Variants in BOP1 observed in about 807,000 individuals in gnomAD.
BOP1 encodes the protein ribosome biogenesis protein BOP1.
In BOP1, 54 loss-of-function variants were observed where a neutral mutation model predicts 82.9. That is an observed-to-expected ratio of 0.65 (90% CI 0.52 to 0.82). The LOEUF is 0.82. BOP1 is among the 40% of genes least tolerant of loss of function. The probability of loss-of-function intolerance (pLI) is 0.00; values close to 1 mark genes in which losing one functional copy is unlikely to be tolerated. For synonymous variants in BOP1, 566 were observed against 451.1 expected, an observed-to-expected ratio of 1.25 and a Z score of -3.23; for missense variants, 1,170 against 1,072.0, an observed-to-expected ratio of 1.09 and a Z score of -1.28.
At position 144,264,738 on chromosome 8, in the gene BOP1, C is replaced by A; in HGVS notation, c.639G>T (p.Gly213=). Residue 213 remains glycine (G), a synonymous_variant, in exon 5 of 16, where the codon GGG becomes GGT. Coordinates refer to ENST00000569669, the MANE Select transcript of BOP1 (RefSeq NM_015201.5). ...CCTCATAGGGGTTGAAGCCCACATC[C>A]CCAAACTGGCCACTCTGCAGCCGCC... ...LVRRLQSGQF[G]DVGFNPYEPA... is the part of the protein sequence containing the mutation. 2 of 1,585,344 alleles carry A rather than the reference C, an allele frequency of 1.3e-6. No individual in the cohort carries two copies. The highest frequency in any genetic ancestry group is 2.3e-5 in the East Asian group (1 of 43,724).
chr8:144,263,591 C>A lies in BOP1; in HGVS notation c.1311G>T (p.Leu437=), dbSNP rs1473712593. The A allele has an allele frequency of 2.5e-6, 4 of 1,605,644 alleles. No individual in the cohort carries two copies. In the African/African-American group the frequency reaches 5.3e-5, roughly 21 times the overall value. Residue 437 remains leucine, a synonymous_variant, in exon 11 of 16, where the codon CTG becomes CTT. Coordinates refer to ENST00000569669, the MANE Select transcript of BOP1 (RefSeq NM_015201.5). ...WLVSGSDDGS[L]RLWEVATARC... is the part of the protein sequence containing the mutation. Reference sequence around the variant, plus strand: ...GGGCAGTGGCCACCTCCCAGAGCCGCAGGGAGCCGTCGTCAGAGCCTGGAT... The same window carrying A: ...GGGCAGTGGCCACCTCCCAGAGCCGAAGGGAGCCGTCGTCAGAGCCTGGAT...
intron 3 of BOP1, chr8:144,268,517 TCCACCC>T (rs1845434505): frequency 3.2e-6 from 1 of 317,390 alleles, no homozygotes; most frequent in Non-Finnish European, 5.9e-6. Flanking sequence ...AGGTTCAGAA[TCCACCC>T]CCAGCCCCCA....
intron 3 of BOP1, among the ~76,000 whole-genome samples, chr8:144,275,942 C>A (rs1278411444): frequency 6.6e-6 from 1 of 152,060 alleles, no homozygotes; most frequent in Non-Finnish European, 1.5e-5. Flanking sequence ...GCCCCCAGAG[C>A]CCGTCCACAG....
At chr8:144,275,120 G>A (rs1018128365) in intron 3 of BOP1, among the ~76,000 whole-genome samples, 2 of 152,090 alleles carry the variant, frequency 1.3e-5, no homozygotes, top group South Asian at 2.1e-4. Flanking sequence ...GGGGAGGGGG[G>A]CGCGTGTCTC....
Position 144,262,255 on chromosome 8 carries a change from C to G in BOP1, c.2150G>C (p.Arg717Pro). The change falls in exon 16 of 16, where the codon CGA becomes CCA. Residue 717 changes from arginine (R) to proline (P), a missense_variant. Transcript: ENST00000569669. ...GATGACGTCCAGCACTCCCAGATCT[C>G]GGGTCAGCACGTGTCCCTTCAGCAC... ...VKVLKGHVLT[R>P]DLGVLDVIFH... 6.2e-7 allele frequency: 1 copy of G among 1,612,738 alleles called. No individual in the cohort carries two copies. Among genetic ancestry groups the G allele is most frequent in the Non-Finnish European group, 8.5e-7 (1 of 1,179,798 alleles).
Position 144,273,852 on chromosome 8 carries a change from C to T in BOP1, c.390+2372G>A, listed in dbSNP as rs953590046. Among the ~76,000 whole-genome samples, 12 of 151,972 alleles carry T rather than the reference C, an allele frequency of 7.9e-5. No homozygotes were observed. In the South Asian group the frequency reaches 2.5e-3, roughly 31 times the overall value. On this transcript the variant is annotated intron_variant, in intron 3 of 15. Coordinates refer to ENST00000569669, the MANE Select transcript of BOP1 (RefSeq NM_015201.5). ...AGGCCCAGCGCCTCCTCCAGGGGCT[C>T]CGCCCGCCTCCCTCCGCCTGCTCGC...
chr8:144,277,166 C>A (rs1845580272), intron 2 of BOP1, among the ~76,000 whole-genome samples: 1 of 152,150 alleles, frequency 6.6e-6, no homozygotes, highest in Non-Finnish European at 1.5e-5. Flanking sequence ...CGCCCCCGCC[C>A]CCACCCCGAG....
At position 144,276,272 on chromosome 8, in the gene BOP1, C is replaced by G; in HGVS notation, c.342G>C (p.Ala114=). 6.2e-7 allele frequency: 1 copy of G among 1,613,604 alleles called. No individual in the cohort carries two copies. The highest frequency in any genetic ancestry group is 8.5e-7 in the Non-Finnish European group (1 of 1,179,822). ...ASTPCPRTEM[A]SARIGDEYAE... ...CATACTCATCCCCAATCCGGGCGCT[C>G]GCCATCTCTGTCCTCGGGCAAGGAG... Residue 114 remains alanine (A), a synonymous_variant, in exon 3 of 16, where the codon GCG becomes GCC. Coordinates refer to ENST00000569669, the MANE Select transcript of BOP1 (RefSeq NM_015201.5).
chr8:144,270,715 C>G (rs971315705), intron 3 of BOP1, among the ~76,000 whole-genome samples: 28 of 152,280 alleles, frequency 1.8e-4, no homozygotes, highest in African/African-American at 6.7e-4. Flanking sequence ...TCACAGCCGC[C>G]GGGCAGACGA....
chr8:144,266,703 C>G, intron 3 of BOP1: 2 of 1,228,246 alleles, frequency 1.6e-6, no homozygotes, highest in Non-Finnish European at 2.1e-6. Flanking sequence ...ACCGCGGCAG[C>G]GACAGCTCGG....
chr8:144,276,064 G>T (rs1225068211), intron 3 of BOP1, among the ~76,000 whole-genome samples, 160 bp downstream of exon 3: 3 of 152,194 alleles, frequency 2.0e-5, no homozygotes, highest in African/African-American at 7.2e-5. Flanking sequence ...CTTGCAGATG[G>T]GGAAGCAGGA....
Position 144,262,073 on chromosome 8 carries a change from C to T in BOP1, c.*91G>A. 6.3e-7 allele frequency: 1 copy of T among 1,582,890 alleles called. No homozygotes were observed. Among genetic ancestry groups the T allele is most frequent in the Non-Finnish European group, 8.6e-7 (1 of 1,162,014 alleles). On this transcript the variant is annotated 3_prime_UTR_variant, in exon 16 of 16. Transcript: ENST00000569669. Reference sequence around the variant, plus strand: ...GGTGGGGGCGGCTTTGTTGGCAACCCCAATTCAAGAAGGTGGGAGCACCAG... The same window carrying T: ...GGTGGGGGCGGCTTTGTTGGCAACCTCAATTCAAGAAGGTGGGAGCACCAG...
chr8:144,266,654 A>T (rs1588591044), intron 3 of BOP1: 1 of 1,252,852 alleles, frequency 8.0e-7, no homozygotes, highest in South Asian at 1.4e-5. Context: ...CCGGGCCGCT[A>T]CCTGTACCCC....
At chr8:144,275,944 C>T (rs1204840901) in intron 3 of BOP1, among the ~76,000 whole-genome samples, 9 of 152,114 alleles carry the variant, frequency 5.9e-5, no homozygotes, top group African/African-American at 1.9e-4. Flanking sequence ...CCCCAGAGCC[C>T]GTCCACAGGC....
At chr8:144,265,437 G>A in intron 3 of BOP1, 1 of 378,036 alleles carries the variant, frequency 2.6e-6, no homozygotes, top group Non-Finnish European at 4.9e-6. Context: ...TTAGGCAGAA[G>A]TGGGCAGCTA....
chr8:144,273,729 C>G (rs1020696447), intron 3 of BOP1, among the ~76,000 whole-genome samples: 2 of 152,104 alleles, frequency 1.3e-5, no homozygotes, highest in Non-Finnish European at 2.9e-5. Context: ...AAGCTCCAGG[C>G]GCGGTGGGAG....
In BOP1 at chr8:144,263,684, G is replaced by C. The variant is rs1035865956; in HGVS notation, c.1291+8C>G. ...CCCAGCTCAAGGCTGCCCCCAGCTC[G>C]GACCCACCTGAAACCAGCCACTGGC... On this transcript the variant is annotated splice_region_variant and intron_variant, in intron 10 of 15. Coordinates refer to ENST00000569669, the MANE Select transcript of BOP1 (RefSeq NM_015201.5). 6.3e-7 allele frequency: 1 copy of C among 1,578,142 alleles called. No individual in the cohort carries two copies. Among genetic ancestry groups the C allele is most frequent in the Non-Finnish European group, 8.6e-7 (1 of 1,163,562 alleles).
intron 2 of BOP1, 24 bp downstream of exon 2, chr8:144,289,071 C>T (rs782528946): frequency 9.9e-6 from 16 of 1,613,306 alleles, no homozygotes; most frequent in Non-Finnish European, 1.2e-5. Context: ...GGACAGCCCT[C>T]GAGGGGGCTC....
rs587710738 is a variant in BOP1, at chr8:144,279,047, T to C, written c.310-2743A>G. On this transcript the variant is annotated intron_variant, in intron 2 of 15. Coordinates refer to ENST00000569669, the MANE Select transcript of BOP1 (RefSeq NM_015201.5). Reference sequence around the variant, plus strand: ...TGCATGAGGCACTGGCCATGTGTGCTGCCACCAGAGGCCCCAAGACCACCA... The same window carrying C: ...TGCATGAGGCACTGGCCATGTGTGCCGCCACCAGAGGCCCCAAGACCACCA... Among the ~76,000 whole-genome samples, 4 of 152,216 alleles carry C rather than the reference T, an allele frequency of 2.6e-5. No homozygotes were observed. The South Asian group carries it at 6.2e-4, about 24-fold the overall frequency.
Sources: gnomAD v4.1 joint callset for allele counts (sites outside exome capture counted in the v4.1 genomes callset) on GRCh38, gnomAD v4.1.1 for gene constraint, MANE v1.5 for transcripts, NCBI Gene and HGNC (gene_info 2026-07-23, HGNC 2026-07-21) for gene names.